The following FABP1 variants were observed in gnomAD, a reference collection of about 807,000 sequenced individuals.
FABP1 encodes the protein fatty acid-binding protein, liver.
Under a neutral mutation model 13.7 loss-of-function variants are expected in FABP1, and 13 were observed. The observed-to-expected ratio is 0.95, with a 90% CI of 0.62 to 1.51. FABP1 has a LOEUF of 1.51. Ranked by LOEUF, FABP1 falls within the 40% of genes most tolerant of loss-of-function variation. The pLI is 0.00. For missense variants in FABP1, 140 were observed against 155.7 expected (o/e 0.90, Z 0.54); for synonymous variants, 48 against 59.8 (o/e 0.80, Z 0.91).
In FABP1 at chr2:88,124,516, AGTTCG is replaced by A; in HGVS notation, c.306_310del (p.Glu103GlnfsTer13). 6.2e-7 allele frequency: 1 copy of A among 1,607,374 alleles called. No individual in the cohort carries two copies. Among genetic ancestry groups the A allele is most frequent in the Non-Finnish European group, 8.5e-7 (1 of 1,177,168 alleles). Reference sequence around the variant, plus strand: ...TACATTGGTGATTATGTCGCCGTTGAGTTCGGTCACAGACTTGATGTTTTTGAAAG... The same window carrying A: ...TACATTGGTGATTATGTCGCCGTTGAGTCACAGACTTGATGTTTTTGAAAG... On this transcript the variant is annotated frameshift_variant, in exon 3 of 4. Coordinates refer to ENST00000295834, the MANE Select transcript of FABP1 (RefSeq NM_001443.3). LOFTEE classifies it high-confidence loss of function.
chr2:88,124,976 T>C (rs957102757), intron 2 of FABP1, among the ~76,000 whole-genome samples: 6 of 145,284 alleles, frequency 4.1e-5, no homozygotes, highest in South Asian at 2.2e-4. Context: ...TATTCTTCTT[T>C]TTTTTTTTTT....
rs776145656 is a variant in FABP1, at chr2:88,126,300, G to A, written c.116C>T (p.Ser39Leu). ...GTGCTTCCCATTCTGCACGATTTCC[G>A]ACACCCCCTTGATATCCTTCCCCTT... ...IQKGKDIKGV[S>L]EIVQNGKHFK... Residue 39 changes from serine (S) to leucine (L), a missense_variant, in exon 2 of 4, where the codon TCG (serine) becomes TTG (leucine). Physicochemically the swap from Ser to Leu is moderately radical, Grantham distance 145. Transcript: ENST00000295834. 8.7e-6 allele frequency: 14 copies of A among 1,613,788 alleles called. No individual in the cohort carries two copies. The Admixed American group carries it at 1.0e-4, about 12-fold the overall frequency.
intron 2 of FABP1, chr2:88,125,973 C>A (rs1481951179): frequency 2.0e-6 from 1 of 507,148 alleles, no homozygotes; most frequent in Non-Finnish European, 3.5e-6. Context: ...GAACACCCCC[C>A]AGACAGTCCC....
Position 88,128,021 on chromosome 2 carries a change from G to A in FABP1, c.-4C>T, listed in dbSNP as rs1202145007. On this transcript the variant is annotated 5_prime_UTR_variant, in exon 1 of 4. Coordinates refer to ENST00000295834, the MANE Select transcript of FABP1 (RefSeq NM_001443.3). ...GGTACTTGCCGGAGAAACTCATGGT[G>A]GCAATAGAGCTCCCTCTTCACGACT... is the stretch of plus-strand genomic sequence containing the variant. 2 of 1,614,170 alleles carry A rather than the reference G, an allele frequency of 1.2e-6. No individual in the cohort carries two copies. The highest frequency in any genetic ancestry group is 2.2e-5 in the East Asian group (1 of 44,874).
intron 3 of FABP1, 71 bp downstream of exon 3, chr2:88,124,423 G>T (rs774365837): frequency 4.1e-5 from 49 of 1,189,768 alleles, no homozygotes; most frequent in Non-Finnish European, 5.6e-5. Flanking sequence ...TATGTGAGCC[G>T]CTCCCCATGC....
At position 88,128,031 on chromosome 2, in the gene FABP1, C is replaced by A; in HGVS notation, c.-14G>T. 2 of 1,613,990 alleles carry A rather than the reference C, an allele frequency of 1.2e-6. No homozygotes were observed. Among genetic ancestry groups the A allele is most frequent in the Non-Finnish European group, 1.7e-6 (2 of 1,179,844 alleles). On this transcript the variant is annotated 5_prime_UTR_variant, in exon 1 of 4. Coordinates refer to ENST00000295834, the MANE Select transcript of FABP1 (RefSeq NM_001443.3). Reference sequence around the variant, plus strand: ...GGAGAAACTCATGGTGGCAATAGAGCTCCCTCTTCACGACTGACCTGCGGC... The same window carrying A: ...GGAGAAACTCATGGTGGCAATAGAGATCCCTCTTCACGACTGACCTGCGGC...
intron 3 of FABP1, 28 bp downstream of exon 3, chr2:88,124,466 C>T: frequency 5.7e-6 from 9 of 1,566,462 alleles, no homozygotes; most frequent in Non-Finnish European, 7.9e-6. Context: ...GCACTGGGAG[C>T]CACACGCTCA....
intron 2 of FABP1, chr2:88,125,972 C>A (rs953210887): frequency 5.3e-5 from 27 of 505,388 alleles, no homozygotes; most frequent in African/African-American, 9.4e-5. Flanking sequence ...GGAACACCCC[C>A]CAGACAGTCC....
At chr2:88,125,708 T>C (rs561738636) in intron 2 of FABP1, among the ~76,000 whole-genome samples, 2 of 152,330 alleles carry the variant, frequency 1.3e-5, no homozygotes, top group African/African-American at 2.4e-5. Flanking sequence ...GGGGCCCTGG[T>C]ATTCTGGTAT....
intron 2 of FABP1, among the ~76,000 whole-genome samples, chr2:88,125,327 G>A (rs1414746715): frequency 6.6e-6 from 1 of 152,142 alleles, no homozygotes; most frequent in Admixed American, 6.5e-5. Context: ...AAATCATCCT[G>A]ACCTGTAATG....
chr2:88,126,507 G>A (rs557800484), intron 1 of FABP1, 159 bp from the exon 2 acceptor site: 20 of 692,966 alleles, frequency 2.9e-5, no homozygotes, highest in African/African-American at 2.8e-4. Flanking sequence ...AGCAGCATCG[G>A]CTGTGGCCTC....
At chr2:88,127,915 G>A in intron 1 of FABP1, 36 bp downstream of exon 1, 2 of 1,608,602 alleles carry the variant, frequency 1.2e-6, no homozygotes, top group Non-Finnish European at 8.5e-7. Context: ...CCTCACTGAT[G>A]TGACCCACAG....
At position 88,124,475 on chromosome 2, in the gene FABP1, C is replaced by T. The variant is rs777403196; in HGVS notation, c.333+19G>A. ...CCTCAAGCACTGGGAGCCACACGCT[C>T]AGAGCACCACCAACTTACATTGGTG... On this transcript the variant is annotated intron_variant, in intron 3 of 3. Coordinates refer to ENST00000295834, the MANE Select transcript of FABP1 (RefSeq NM_001443.3). The T allele has an allele frequency of 5.0e-6, 8 of 1,594,436 alleles. No homozygotes were observed. The African/African-American group carries it at 9.4e-5, about 19-fold the overall frequency.
chr2:88,127,275 A>G (rs1191665116), intron 1 of FABP1, among the ~76,000 whole-genome samples: 1 of 151,910 alleles, frequency 6.6e-6, no homozygotes, highest in Non-Finnish European at 1.5e-5. Context: ...CCTGTACATG[A>G]CCCTAGGAGG....
chr2:88,127,401 C>A (rs1445534249), intron 1 of FABP1, among the ~76,000 whole-genome samples: 2 of 152,172 alleles, frequency 1.3e-5, no homozygotes, highest in African/African-American at 4.8e-5. Context: ...GCTTCAGTTG[C>A]ATTAACTGTA....
rs1227099132 is a variant in FABP1 at position 88,124,970 on chromosome 2, CTTCT to C, written c.241-388_241-385del. ...TACATATTTTGCTTTGGTATGTATT[CTTCT>C]TTTTTTTTTTTTTTTAATTGAGATG... On this transcript the variant is annotated intron_variant, in intron 2 of 3. Transcript: ENST00000295834. Among the ~76,000 whole-genome samples, 3 of 114,884 alleles carry C rather than the reference CTTCT, an allele frequency of 2.6e-5. No homozygotes were observed. In the East Asian group the frequency reaches 9.0e-4, roughly 35 times the overall value. 75.4% of individuals were successfully genotyped at this position (114,884 alleles called of 152,430 possible). A position where few individuals can be genotyped will look rare whatever the true frequency, so the allele number is the denominator to read the frequency against.
At chr2:88,125,841 C>G in intron 2 of FABP1, 1 of 206,492 alleles carries the variant, frequency 4.8e-6, no homozygotes, top group Non-Finnish European at 9.7e-6. Context: ...ACTCCTGGGC[C>G]CTGCTTAGAG....
At position 88,124,471 on chromosome 2, in the gene FABP1, C is replaced by T. The variant is rs79448072; in HGVS notation, c.333+23G>A. The T allele has an allele frequency of 9.0e-3, 14,317 of 1,584,172 alleles. 78 individuals are homozygous for T. Among genetic ancestry groups the T allele is most frequent in the Admixed American group, 0.011 (654 of 57,148 alleles). Reference sequence around the variant, plus strand: ...CTCCCCTCAAGCACTGGGAGCCACACGCTCAGAGCACCACCAACTTACATT... The same window carrying T: ...CTCCCCTCAAGCACTGGGAGCCACATGCTCAGAGCACCACCAACTTACATT... On this transcript the variant is annotated intron_variant, in intron 3 of 3. Coordinates refer to ENST00000295834, the MANE Select transcript of FABP1 (RefSeq NM_001443.3).
chr2:88,126,225 G>A lies in FABP1; in HGVS notation c.191C>T (p.Thr64Met), dbSNP rs1421294364. The A allele has an allele frequency of 5.6e-6, 9 of 1,611,556 alleles. No homozygotes were observed. Among genetic ancestry groups the A allele is most frequent in the Middle Eastern group, 3.3e-4 (2 of 6,068 alleles). ...CTCCAGCTCACATTCCTCCCCCACC[G>A]TGAATTCGTTTTGGATCACTTTGGA... is the stretch of plus-strand genomic sequence containing the variant. ...AGSKVIQNEFTVGEECELETM... is the reference protein window; with the variant it reads ...AGSKVIQNEFMVGEECELETM... Residue 64 changes from threonine (T) to methionine (M), a missense_variant, in exon 2 of 4, where the codon ACG becomes ATG. By Grantham distance (81) the Thr-to-Met change is moderately conservative (BLOSUM62 -1). Transcript: ENST00000295834.
Sources: allele counts gnomAD v4.1 joint callset (sites outside exome capture counted in the v4.1 genomes callset), GRCh38; gene constraint gnomAD v4.1.1; transcripts MANE v1.5; gene names NCBI Gene and HGNC (gene_info 2026-07-23, HGNC 2026-07-21).